Variants in GPR180 observed in about 807,000 individuals in gnomAD.
GPR180 encodes the protein G protein-coupled receptor 180.
Under a neutral mutation model 52.6 loss-of-function variants are expected in GPR180, and 53 were observed. That is an observed-to-expected ratio of 1.01 (90% CI 0.81 to 1.27). GPR180 has a LOEUF of 1.27. GPR180 is among the 50% of genes most tolerant of loss of function. GPR180 has a pLI of 0.00. For missense variants in GPR180, 533 were observed against 527.0 expected, an observed-to-expected ratio of 1.01 and a Z score of -0.11; for synonymous variants, 200 against 193.1, an observed-to-expected ratio of 1.04 and a Z score of -0.30.
chr13:94,622,620 G>C (rs1469411132), intron 6 of GPR180, among the ~76,000 whole-genome samples: 4 of 152,200 alleles, frequency 2.6e-5, no homozygotes, highest in Non-Finnish European at 5.9e-5. Context: ...TATTGCAAAA[G>C]TGAAGTTCAG....
At chr13:94,605,258 C>T in intron 1 of GPR180, 133 bp from the exon 2 acceptor site, 5 of 718,078 alleles carry the variant, frequency 7.0e-6, no homozygotes, top group Non-Finnish European at 1.2e-5. Flanking sequence ...ATGTGATTTA[C>T]CTAGTTAAGC....
intron 3 of GPR180, among the ~76,000 whole-genome samples, chr13:94,615,544 CAA>C (rs1369929164): frequency 6.6e-6 from 1 of 152,172 alleles, no homozygotes; most frequent in African/African-American, 2.4e-5. Flanking sequence ...CTAGATTAAA[CAA>C]AGTCAGGCAA....
chr13:94,623,084 A>G (rs1409968548), intron 6 of GPR180, 25 bp from the exon 7 acceptor site: 2 of 1,568,142 alleles, frequency 1.3e-6, no homozygotes, highest in Admixed American at 1.9e-5. Flanking sequence ...TTTTTCCTAA[A>G]TGTAATATTG....
At position 94,601,897 on chromosome 13, in the gene GPR180, C is replaced by A; in HGVS notation, c.-31C>A. The A allele has an allele frequency of 1.5e-6, 2 of 1,375,892 alleles. No individual in the cohort carries two copies. Among genetic ancestry groups the A allele is most frequent in the African/African-American group, 3.0e-5 (2 of 66,064 alleles). 85.2% of individuals were successfully genotyped at this position (1,375,892 alleles called of 1,614,324 possible). On this transcript the variant is annotated 5_prime_UTR_variant, in exon 1 of 9. Coordinates refer to ENST00000376958, the MANE Select transcript of GPR180 (RefSeq NM_180989.6). ...GCGGGCAGCCGCCGGCGGCTGGGAG[C>A]CGAGGCGTCGGTGCAGACCTGGAGA...
chr13:94,615,532 G>A (rs1310350059), intron 3 of GPR180, among the ~76,000 whole-genome samples: 1 of 152,130 alleles, frequency 6.6e-6, no homozygotes, highest in Non-Finnish European at 1.5e-5. Context: ...TACAGAGTTG[G>A]TCTAGATTAA....
chr13:94,608,456 A>C (rs1471521964), intron 2 of GPR180, among the ~76,000 whole-genome samples: 1 of 152,184 alleles, frequency 6.6e-6, no homozygotes, highest in Non-Finnish European at 1.5e-5. Flanking sequence ...ATAACAGGTA[A>C]CAGGAATTTT....
intron 2 of GPR180, among the ~76,000 whole-genome samples, chr13:94,609,765 T>C (rs1889680930): frequency 6.6e-6 from 1 of 151,818 alleles, no homozygotes; most frequent in East Asian, 1.9e-4. Flanking sequence ...TTTTTTTTTT[T>C]AAAGGTAGTT....
chr13:94,620,997 AAAAG>A lies in GPR180; in HGVS notation c.737-79_737-76del, dbSNP rs1000282830. The A allele has an allele frequency of 2.2e-5, 29 of 1,324,782 alleles. No homozygotes were observed. The African/African-American group carries it at 2.6e-4, about 12-fold the overall frequency. 82.1% of individuals were successfully genotyped at this position (1,324,782 alleles called of 1,614,324 possible). ...TTTTGTGGTTTTTCTTAAAAAAAAA[AAAAG>A]ATGTTCTCAATGCAAAAAGCACTAA... On this transcript the variant is annotated intron_variant, in intron 5 of 8. Transcript: ENST00000376958.
intron 1 of GPR180, among the ~76,000 whole-genome samples, chr13:94,602,356 G>A (rs60560976): frequency 0.023 from 3,480 of 152,266 alleles, 227 homozygotes; most frequent in East Asian, 0.18. Context: ...CCTCCCCTTG[G>A]AAGCCAATGT....
rs756153253 is a variant in GPR180, at chr13:94,612,426, GAA to G, written c.505+39_505+40del. The G allele has an allele frequency of 1.1e-5, 15 of 1,424,198 alleles. No homozygotes were observed. The African/African-American group carries it at 2.1e-4, about 20-fold the overall frequency. The allele number at this position is 1,424,198 out of a possible 1,614,324, so 88.2% of individuals were successfully genotyped here. On this transcript the variant is annotated intron_variant, in intron 3 of 8. Coordinates refer to ENST00000376958, the MANE Select transcript of GPR180 (RefSeq NM_180989.6). Reference sequence around the variant, plus strand: ...GTATTTGAATATATCCTAAATTCAGGAAAAGATTTATGTACAAATATATTCAT... The same window carrying G: ...GTATTTGAATATATCCTAAATTCAGGAAGATTTATGTACAAATATATTCAT...
chr13:94,622,737 C>T (rs1889867526), intron 6 of GPR180, among the ~76,000 whole-genome samples: 1 of 152,166 alleles, frequency 6.6e-6, no homozygotes, highest in Non-Finnish European at 1.5e-5. Context: ...CCACACCCAG[C>T]TAATTTTTTG....
chr13:94,615,375 A>G (rs901776639), intron 3 of GPR180, among the ~76,000 whole-genome samples: 7 of 152,226 alleles, frequency 4.6e-5, no homozygotes, highest in Non-Finnish European at 1.0e-4. Context: ...GACTATTACC[A>G]CATGTCTCAG....
intron 3 of GPR180, among the ~76,000 whole-genome samples, chr13:94,617,387 C>T (rs994248993): frequency 6.6e-6 from 1 of 152,114 alleles, no homozygotes; most frequent in Admixed American, 6.6e-5. Context: ...TTTTTATTTT[C>T]TGTCTTGTTC....
chr13:94,618,420 A>ATTTTTTTTTTTTGTTTTTT (rs1889806565), intron 3 of GPR180, among the ~76,000 whole-genome samples: 1 of 87,156 alleles, frequency 1.1e-5, no homozygotes, highest in Non-Finnish European at 2.1e-5. Flanking sequence ...TCAGCACAGG[A>ATTTTTTTTTTTTGTTTTTT]TTTTTTTTTT....
intron 2 of GPR180, among the ~76,000 whole-genome samples, chr13:94,610,286 TTTTA>T (rs911386790): frequency 6.6e-6 from 1 of 152,224 alleles, no homozygotes; most frequent in African/African-American, 2.4e-5. Context: ...AAGAAATGTC[TTTTA>T]TTTATTAAAA....
At chr13:94,605,361 C>G in intron 1 of GPR180, 30 bp from the exon 2 acceptor site, 14 of 1,612,078 alleles carry the variant, frequency 8.7e-6, no homozygotes, top group Non-Finnish European at 1.2e-5. Context: ...TAAGACCAAA[C>G]TAGTTGATGA....
chr13:94,604,555 A>C (rs1322173751), intron 1 of GPR180, among the ~76,000 whole-genome samples: 1 of 151,810 alleles, frequency 6.6e-6, no homozygotes, highest in Admixed American at 6.6e-5. Flanking sequence ...GCGCCACTGC[A>C]CTCCAGCCTG....
Position 94,629,746 on chromosome 13 carries a change from T to A in GPR180, c.*2575T>A, listed in dbSNP as rs1237861947. The A allele has an allele frequency of 6.6e-6, 1 of 152,218 alleles. No homozygotes were observed. Among genetic ancestry groups the A allele is most frequent in the Non-Finnish European group, 1.5e-5 (1 of 68,028 alleles). The allele number at this position is 152,218 out of a possible 1,614,324, so 9.4% of individuals were successfully genotyped here. On this transcript the variant is annotated 3_prime_UTR_variant, in exon 9 of 9. Transcript: ENST00000376958. ...GCACACTTCAGTATTTGAACCTGGCTTTTAACCAGACAGTATTACTAGCAG... is the reference window on the plus strand; with the variant it reads ...GCACACTTCAGTATTTGAACCTGGCATTTAACCAGACAGTATTACTAGCAG...
intron 5 of GPR180, among the ~76,000 whole-genome samples, chr13:94,620,150 C>T (rs1387364460): frequency 6.6e-6 from 1 of 152,200 alleles, no homozygotes; most frequent in Non-Finnish European, 1.5e-5. Flanking sequence ...TTCCACATGT[C>T]AGTCAGCTAT....
Sources: gnomAD v4.1 joint callset for allele counts (sites outside exome capture counted in the v4.1 genomes callset) on GRCh38, gnomAD v4.1.1 for gene constraint, MANE v1.5 for transcripts, NCBI Gene and HGNC (gene_info 2026-07-23, HGNC 2026-07-21) for gene names.